The following CEP85L variants were observed in gnomAD, a reference collection of about 807,000 sequenced individuals.
CEP85L encodes centrosomal protein of 85 kDa-like.
Under a neutral mutation model 100.3 loss-of-function variants are expected in CEP85L, and 60 were observed. That is an observed-to-expected ratio of 0.60 (90% CI 0.49 to 0.74). CEP85L has a LOEUF of 0.74. Ranked by LOEUF, CEP85L falls within the 30% of genes least tolerant of loss-of-function variation. The probability of loss-of-function intolerance (pLI) is 0.00; values close to 1 mark genes in which losing one functional copy is unlikely to be tolerated. For missense variants in CEP85L, 973 were observed against 936.2 expected, an observed-to-expected ratio of 1.04 and a Z score of -0.51; for synonymous variants, 319 against 322.7, an observed-to-expected ratio of 0.99 and a Z score of 0.12.
At chr6:118,543,131 T>A (rs1368034013) in intron 3 of CEP85L, among the ~76,000 whole-genome samples, 1 of 152,030 alleles carries the variant, frequency 6.6e-6, no homozygotes, top group Non-Finnish European at 1.5e-5. Context: ...ACTGCCCAAT[T>A]CATGAATCAT....
At chr6:118,576,065 T>C (rs1252551024) in intron 2 of CEP85L, among the ~76,000 whole-genome samples, 1 of 152,010 alleles carries the variant, frequency 6.6e-6, no homozygotes, top group Non-Finnish European at 1.5e-5. Flanking sequence ...AATATTATAC[T>C]CCCTGGCATC....
At chr6:118,565,369 TCAA>T (rs1347281399) in intron 3 of CEP85L, 157 bp downstream of exon 3, 38 of 682,980 alleles carry the variant, frequency 5.6e-5, no homozygotes, top group East Asian at 3.0e-4. Flanking sequence ...TGCAAGTTTA[TCAA>T]CAACACTTTT....
Position 118,481,347 on chromosome 6 carries a change from A to G in CEP85L, c.1745+432T>C, listed in dbSNP as rs555582488. ...ATTTTCAACAGAAACTTTTGGCAAG[A>G]TATCAATATATTGCTTCAAAATGTT... is the stretch of plus-strand genomic sequence containing the variant. On this transcript the variant is annotated intron_variant, in intron 8 of 12. Transcript: ENST00000368491. 6.2e-4 allele frequency among the ~76,000 whole-genome samples: 95 copies of G among 152,158 alleles called. 1 individual carries two copies. The highest frequency in any genetic ancestry group is 2.1e-3 in the African/African-American group (87 of 41,532).
At chr6:118,653,231 G>A (rs1198667221), upstream of CEP85L, among the ~76,000 whole-genome samples, 1 of 152,142 alleles carries the variant, frequency 6.6e-6, no homozygotes, top group African/African-American at 2.4e-5. Flanking sequence ...GAAGGTGAAA[G>A]TATCTAAAAT....
At chr6:118,564,800 C>G (rs1329553807) in intron 3 of CEP85L, among the ~76,000 whole-genome samples, 3 of 152,110 alleles carry the variant, frequency 2.0e-5, no homozygotes, top group Admixed American at 6.5e-5. Flanking sequence ...GGACTTATAT[C>G]AGAAAATTAG....
intron 2 of CEP85L, among the ~76,000 whole-genome samples, chr6:118,608,827 T>C (rs1442311743): frequency 1.3e-5 from 2 of 152,364 alleles, no homozygotes; most frequent in Admixed American, 6.5e-5. Flanking sequence ...GTTTTTGTTT[T>C]ATTCTCTGAT....
chr6:118,552,662 T>G (rs1778619384), intron 3 of CEP85L, among the ~76,000 whole-genome samples: 1 of 151,108 alleles, frequency 6.6e-6, no homozygotes. Context: ...TGAACTTGAT[T>G]TTTTTTTTAA....
intron 1 of CEP85L, among the ~76,000 whole-genome samples, chr6:118,681,121 C>G (rs2115448276): frequency 6.6e-6 from 1 of 152,288 alleles, no homozygotes; most frequent in Non-Finnish European, 1.5e-5. Flanking sequence ...CAGCTTTTTA[C>G]CAGTAATTCA....
At chr6:118,647,656 C>T (rs975358458) in intron 1 of CEP85L, among the ~76,000 whole-genome samples, 27 of 152,196 alleles carry the variant, frequency 1.8e-4, no homozygotes, top group African/African-American at 4.6e-4. Context: ...GCCACTGCGC[C>T]TGGCTTATGT....
intron 1 of CEP85L, among the ~76,000 whole-genome samples, chr6:118,669,531 T>C (rs1562350563): frequency 1.3e-5 from 2 of 152,208 alleles, no homozygotes; most frequent in Non-Finnish European, 2.9e-5. Context: ...CATTTCCTTC[T>C]GGAAATATTA....
At chr6:118,673,203 T>C (rs1776371964) in intron 1 of CEP85L, among the ~76,000 whole-genome samples, 1 of 152,186 alleles carries the variant, frequency 6.6e-6, no homozygotes, top group South Asian at 2.1e-4. Context: ...TCAGGGTCAC[T>C]AGATAAAAGC....
intron 3 of CEP85L, chr6:118,559,374 A>C (rs1779095921): frequency 2.5e-6 from 1 of 392,306 alleles, no homozygotes; most frequent in Non-Finnish European, 5.0e-6. Context: ...ATCTTTTCTG[A>C]AGATGAAGAG....
chr6:118,505,461 T>C (rs1033513444), intron 5 of CEP85L, among the ~76,000 whole-genome samples: 1 of 127,958 alleles, frequency 7.8e-6, no homozygotes, highest in Non-Finnish European at 1.7e-5. Flanking sequence ...GCTTCTACTA[T>C]AATACAAATA....
chr6:118,670,237 T>G (rs1776258699), intron 1 of CEP85L, among the ~76,000 whole-genome samples: 1 of 151,336 alleles, frequency 6.6e-6, no homozygotes, highest in Admixed American at 6.6e-5. Context: ...TTTTTTTAAC[T>G]TTTATTTTAG....
At chr6:118,553,291 T>C (rs1053294553) in intron 3 of CEP85L, among the ~76,000 whole-genome samples, 1 of 150,100 alleles carries the variant, frequency 6.7e-6, no homozygotes, top group African/African-American at 2.4e-5. Context: ...CTGACAACCA[T>C]GCCATAAATT....
At chr6:118,607,571 T>C (rs1772313744) in intron 2 of CEP85L, among the ~76,000 whole-genome samples, 1 of 152,146 alleles carries the variant, frequency 6.6e-6, no homozygotes, top group Non-Finnish European at 1.5e-5. Context: ...CATCCAATAG[T>C]GACGAGAGGG....
chr6:118,698,604 C>CTGTGATAAGGA (rs2114348132), intron 1 of CEP85L, among the ~76,000 whole-genome samples: 1 of 151,634 alleles, frequency 6.6e-6, no homozygotes, highest in South Asian at 2.1e-4. Flanking sequence ...TCTTGATTCA[C>CTGTGATAAGGA]TGTGATAAGG....
chr6:118,507,816 C>A (rs1349075383), intron 5 of CEP85L, among the ~76,000 whole-genome samples: 1 of 152,160 alleles, frequency 6.6e-6, no homozygotes, highest in Non-Finnish European at 1.5e-5. Flanking sequence ...GGAAGCCTGG[C>A]CAGGCTTTTG....
intron 3 of CEP85L, among the ~76,000 whole-genome samples, chr6:118,532,252 AG>A (rs1777338716): frequency 6.6e-6 from 1 of 152,184 alleles, no homozygotes; most frequent in African/African-American, 2.4e-5. Context: ...GAACTAACAT[AG>A]GAACAGAAAA....
Sources: gnomAD v4.1 joint callset for allele counts (sites outside exome capture counted in the v4.1 genomes callset) on GRCh38, gnomAD v4.1.1 for gene constraint, MANE v1.5 for transcripts, NCBI Gene and HGNC (gene_info 2026-07-23, HGNC 2026-07-21) for gene names.